The following PPP3R1 variants were observed in gnomAD, a reference collection of about 807,000 sequenced individuals.
PPP3R1 encodes calcineurin subunit B type 1.
Under a neutral mutation model 22.6 loss-of-function variants are expected in PPP3R1, and 5 were observed. The observed-to-expected ratio is 0.22, with a 90% CI of 0.12 to 0.46. The LOEUF is 0.46. Among genes scored for constraint, PPP3R1 ranks in the 20% least tolerant of loss-of-function variants. PPP3R1 has a pLI of 0.99. For missense variants in PPP3R1, 61 were observed against 203.2 expected (o/e 0.30, Z 4.25); for synonymous variants, 56 against 65.2 (o/e 0.86, Z 0.68).
chr2:68,215,228 G>A (rs753903519), intron 2 of PPP3R1, among the ~76,000 whole-genome samples: 6 of 151,812 alleles, frequency 4.0e-5, no homozygotes, highest in Non-Finnish European at 4.4e-5. Context: ...CCAAAGCCCC[G>A]TGACACACAG....
At chr2:68,205,990 G>T (rs1675113642) in intron 2 of PPP3R1, among the ~76,000 whole-genome samples, 1 of 152,020 alleles carries the variant, frequency 6.6e-6, no homozygotes, top group Admixed American at 6.6e-5. Flanking sequence ...GGCTAATTTT[G>T]TATTTTTAGT....
At chr2:68,186,982 C>A (rs1002794700) in intron 4 of PPP3R1, among the ~76,000 whole-genome samples, 2 of 152,198 alleles carry the variant, frequency 1.3e-5, no homozygotes, top group South Asian at 2.1e-4. Context: ...CTAAAAAAAT[C>A]TCTTCTCTAA....
intron 1 of PPP3R1, among the ~76,000 whole-genome samples, chr2:68,246,362 C>T (rs776534830): frequency 1.2e-4 from 18 of 152,032 alleles, no homozygotes; most frequent in African/African-American, 3.9e-4. Flanking sequence ...AGTGAGCCAC[C>T]GTGCCCGGCT....
At chr2:68,214,945 A>G (rs1669549438) in intron 2 of PPP3R1, among the ~76,000 whole-genome samples, 1 of 152,216 alleles carries the variant, frequency 6.6e-6, no homozygotes, top group South Asian at 2.1e-4. Context: ...ACCATGGTAT[A>G]CTACGCAGCC....
intron 2 of PPP3R1, among the ~76,000 whole-genome samples, chr2:68,192,906 C>G (rs1199143689): frequency 6.6e-6 from 1 of 152,032 alleles, no homozygotes; most frequent in Non-Finnish European, 1.5e-5. Context: ...GATTTTATAC[C>G]TCCATTTCCT....
chr2:68,198,228 T>C (rs1398312570), intron 2 of PPP3R1, among the ~76,000 whole-genome samples: 5 of 117,414 alleles, frequency 4.3e-5, no homozygotes, highest in African/African-American at 1.2e-4. Flanking sequence ...ACATTTTACA[T>C]ATATGTATAC....
At chr2:68,206,763 G>C (rs958139154) in intron 2 of PPP3R1, among the ~76,000 whole-genome samples, 1 of 152,110 alleles carries the variant, frequency 6.6e-6, no homozygotes, top group African/African-American at 2.4e-5. Context: ...TAATCCATAA[G>C]TACTTGGTAG....
rs191745454 is a variant in PPP3R1, at chr2:68,206,872, T to C, written c.43+10220A>G. The stretch of plus-strand genomic sequence containing the variant: ...TTTTTAAAAAGTAGCACAACTACAC[T>C]GAAAGAAGAAAAGCTGAGAGGACAC... On this transcript the variant is annotated intron_variant, in intron 2 of 5. Coordinates refer to ENST00000234310, the MANE Select transcript of PPP3R1 (RefSeq NM_000945.4). Among the ~76,000 whole-genome samples, 4 of 152,100 alleles carry C rather than the reference T, an allele frequency of 2.6e-5. No homozygotes were observed. In the East Asian group the frequency reaches 7.7e-4, roughly 29 times the overall value.
chr2:68,215,331 C>G (rs939638642), intron 2 of PPP3R1, among the ~76,000 whole-genome samples: 7 of 152,014 alleles, frequency 4.6e-5, no homozygotes, highest in African/African-American at 1.7e-4. Flanking sequence ...AAACCCCCCC[C>G]AAAATTCAAA....
At chr2:68,221,102 C>T (rs780960645) in intron 1 of PPP3R1, among the ~76,000 whole-genome samples, 20 of 152,090 alleles carry the variant, frequency 1.3e-4, no homozygotes, top group Non-Finnish European at 2.5e-4. Flanking sequence ...GAGGCCGAGG[C>T]AGGCAGATCA....
At chr2:68,192,891 G>A (rs1477599684) in intron 2 of PPP3R1, among the ~76,000 whole-genome samples, 2 of 152,064 alleles carry the variant, frequency 1.3e-5, no homozygotes, top group Non-Finnish European at 2.9e-5. Flanking sequence ...CTCTGCTAAA[G>A]TATAGATTTT....
At chr2:68,194,257 T>C (rs184618635) in intron 2 of PPP3R1, among the ~76,000 whole-genome samples, 3 of 152,266 alleles carry the variant, frequency 2.0e-5, no homozygotes, top group African/African-American at 4.8e-5. Flanking sequence ...AGATTGTTTA[T>C]ACAGAAAACA....
chr2:68,238,024 C>CT (rs1282385656), intron 1 of PPP3R1, among the ~76,000 whole-genome samples: 1 of 152,116 alleles, frequency 6.6e-6, no homozygotes, highest in Non-Finnish European at 1.5e-5. Flanking sequence ...TAAAAGATCT[C>CT]TTTTACAATC....
At chr2:68,204,316 C>CAT (rs1026766121) in intron 2 of PPP3R1, among the ~76,000 whole-genome samples, 5 of 150,936 alleles carry the variant, frequency 3.3e-5, no homozygotes, top group East Asian at 1.9e-4. Context: ...ATGACATATA[C>CAT]ATATATATAC....
chr2:68,206,513 T>G (rs1402677478), intron 2 of PPP3R1, among the ~76,000 whole-genome samples: 1 of 152,150 alleles, frequency 6.6e-6, no homozygotes, highest in Non-Finnish European at 1.5e-5. Context: ...GCAGGCAAGT[T>G]TGGGTAGAAT....
intron 1 of PPP3R1, among the ~76,000 whole-genome samples, chr2:68,236,232 T>C (rs1670017211): frequency 6.6e-6 from 1 of 152,174 alleles, no homozygotes; most frequent in South Asian, 2.1e-4. Flanking sequence ...ATCATATATA[T>C]TAAGAAACTA....
chr2:68,206,197 A>G (rs1184930303), intron 2 of PPP3R1, among the ~76,000 whole-genome samples: 1 of 152,196 alleles, frequency 6.6e-6, no homozygotes, highest in Non-Finnish European at 1.5e-5. Flanking sequence ...AGAGAAGTCG[A>G]CTGTGTTATA....
chr2:68,246,059 CTT>C (rs1257172600), intron 1 of PPP3R1, among the ~76,000 whole-genome samples: 1 of 125,468 alleles, frequency 8.0e-6, no homozygotes, highest in Non-Finnish European at 1.7e-5. Flanking sequence ...CTGACTTTTT[CTT>C]TCTTTCTTTT....
chr2:68,221,609 A>C (rs1161048183), intron 1 of PPP3R1, among the ~76,000 whole-genome samples: 2 of 152,194 alleles, frequency 1.3e-5, no homozygotes, highest in Admixed American at 6.5e-5. Context: ...ATGGCCCCAA[A>C]TCTTCCAAAT....
Sources: allele counts gnomAD v4.1 joint callset (sites outside exome capture counted in the v4.1 genomes callset), GRCh38; gene constraint gnomAD v4.1.1; transcripts MANE v1.5; gene names NCBI Gene and HGNC (gene_info 2026-07-23, HGNC 2026-07-21).